Variants in IGF2 observed in about 807,000 individuals in gnomAD.
IGF2 encodes the protein insulin like growth factor 2, also known as insulin-like growth factor 2.
A neutral mutation model predicts 12.0 loss-of-function variants in IGF2; 2 were observed. That is an observed-to-expected ratio of 0.17 (90% CI 0.07 to 0.52). The LOEUF (loss-of-function observed/expected upper bound fraction) is 0.52. IGF2 is among the 20% of genes least tolerant of loss of function. IGF2 has a pLI of 0.95. For missense variants in IGF2, 211 were observed against 268.0 expected, an observed-to-expected ratio of 0.79 and a Z score of 1.48; for synonymous variants, 105 against 110.1, an observed-to-expected ratio of 0.95 and a Z score of 0.29.
Position 2,133,019 on chromosome 11 carries a change from C to A in IGF2, c.511G>T (p.Ala171Ser). Reference sequence around the variant, plus strand: ...CGATTGCTGGCCATCTCTGGGGGGGCGCCCCCGTGGGCGGGGTCTTGGGTG... The same window carrying A: ...CGATTGCTGGCCATCTCTGGGGGGGAGCCCCCGTGGGCGGGGTCTTGGGTG... ...LPTQDPAHGG[A>S]PPEMASNRK The change falls in exon 4 of 4, where the codon GCC becomes TCC. Residue 171 changes from alanine (A) to serine (S), a missense_variant. Physicochemically the swap from Ala to Ser is moderately conservative, Grantham distance 99. Around this residue, in one of 3 missense-constraint regions of IGF2, gnomAD observed 141 missense variants for 153.1 expected, o/e 0.92. Coordinates refer to ENST00000416167, the MANE Select transcript of IGF2 (RefSeq NM_000612.6). The surrounding 1 kb of genome is among the most constrained non-coding windows in gnomAD (Gnocchi z 8.9). The A allele has an allele frequency of 6.5e-7, 1 of 1,550,330 alleles. No homozygotes were observed. Among genetic ancestry groups the A allele is most frequent in the Non-Finnish European group, 8.7e-7 (1 of 1,148,456 alleles).
chr11:2,141,101 GGC>G, upstream of IGF2: 1 of 220,392 alleles, frequency 4.5e-6, no homozygotes, highest in Non-Finnish European at 9.2e-6. Context: ...ACGTCCTGAG[GGC>G]GCGCGGCCGA....
At position 2,131,097 on chromosome 11, in the gene IGF2, G is replaced by A. The variant is rs1385193835; in HGVS notation, c.*1890C>T. On this transcript the variant is annotated 3_prime_UTR_variant, in exon 4 of 4. Transcript: ENST00000416167. ...TGGGGAGCATCGTGGCTCACGCTGC[G>A]GGGGCCGTGGGGACAGGCGCCAAGG... 4 of 232,238 alleles carry A rather than the reference G, an allele frequency of 1.7e-5. No individual in the cohort carries two copies. Among genetic ancestry groups the A allele is most frequent in the Non-Finnish European group, 1.7e-5 (2 of 117,816 alleles). The allele number at this position is 232,238 out of a possible 1,614,324, so 14.4% of individuals were successfully genotyped here.
chr11:2,131,782 GC>G lies in IGF2; in HGVS notation c.*1204del, dbSNP rs1383134088. On this transcript the variant is annotated 3_prime_UTR_variant, in exon 4 of 4. Transcript: ENST00000416167. ...GTGTGTGCTGTGTCTTTGTGTGTGT[GC>G]TGTGTGCTAGTGTGTGTGCTGTGTG... 1 of 169,970 alleles carries G rather than the reference GC, an allele frequency of 5.9e-6. No individual in the cohort carries two copies. The highest frequency in any genetic ancestry group is 2.8e-5 in the African/African-American group (1 of 35,450). 10.5% of individuals were successfully genotyped at this position (169,970 alleles called of 1,614,324 possible). A position where few individuals can be genotyped will look rare whatever the true frequency, so the allele number is the denominator to read the frequency against.
chr11:2,140,215 C>G, upstream of IGF2: 3 of 1,613,360 alleles, frequency 1.9e-6, no homozygotes, highest in Non-Finnish European at 2.5e-6. Flanking sequence ...ATGGTTACCC[C>G]GTCCTCAGTG....
In IGF2 at chr11:2,130,885, A is replaced by G. The variant is rs1311667882; in HGVS notation, c.*2102T>C. 2 of 204,912 alleles carry G rather than the reference A, an allele frequency of 9.8e-6. No homozygotes were observed. Among genetic ancestry groups the G allele is most frequent in the Non-Finnish European group, 2.0e-5 (2 of 100,486 alleles). The allele number at this position is 204,912 out of a possible 1,614,324, so 12.7% of individuals were successfully genotyped here. ...GGGGGTCCCCAGGAGACGGGCAAAG[A>G]TGATCCCTAGGTGTGCTCCGGTGGG... is the stretch of plus-strand genomic sequence containing the variant. On this transcript the variant is annotated 3_prime_UTR_variant, in exon 4 of 4. Transcript: ENST00000416167.
In IGF2 at chr11:2,138,535, A is replaced by G. The variant is rs1859272120; in HGVS notation, c.-313T>C. The G allele has an allele frequency of 5.2e-6, 3 of 576,944 alleles. No homozygotes were observed. Among genetic ancestry groups the G allele is most frequent in the South Asian group, 1.7e-4 (2 of 11,912 alleles). 35.7% of individuals were successfully genotyped at this position (576,944 alleles called of 1,614,324 possible). A position where few individuals can be genotyped will look rare whatever the true frequency, so the allele number is the denominator to read the frequency against. On this transcript the variant is annotated 5_prime_UTR_variant, in exon 1 of 4. Transcript: ENST00000416167. ...ATCAAGGATAGAGGGGGGCAGAGATAGTGGGAGAGACAGAGTGAACGTGAA... is the reference window on the plus strand; with the variant it reads ...ATCAAGGATAGAGGGGGGCAGAGATGGTGGGAGAGACAGAGTGAACGTGAA...
rs916338622 is a variant in IGF2, at chr11:2,130,447, G to A, written c.*2540C>T. On this transcript the variant is annotated 3_prime_UTR_variant, in exon 4 of 4. Transcript: ENST00000416167. The stretch of plus-strand genomic sequence containing the variant: ...ATGAAAAACAAAATCCAATCAGGGC[G>A]ATAAATGGCGGGGGGCAGGACGTGG... 10 of 227,626 alleles carry A rather than the reference G, an allele frequency of 4.4e-5. No homozygotes were observed. Among genetic ancestry groups the A allele is most frequent in the African/African-American group, 1.3e-4 (6 of 44,756 alleles). The allele number at this position is 227,626 out of a possible 1,614,324, so 14.1% of individuals were successfully genotyped here. A position where few individuals can be genotyped will look rare whatever the true frequency, so the allele number is the denominator to read the frequency against.
chr11:2,142,754 G>C (rs1859677528), upstream of IGF2, among the ~76,000 whole-genome samples: 1 of 152,238 alleles, frequency 6.6e-6, no homozygotes, highest in African/African-American at 2.4e-5. This position sits in a 1 kb window ranked among gnomAD's most constrained non-coding sequence, Gnocchi z 5.7. Flanking sequence ...TGCTCGGAAT[G>C]TTTGGGAACT....
chr11:2,148,038 T>G, the IGF2 span: 1 of 385,922 alleles, frequency 2.6e-6, no homozygotes, highest in Non-Finnish European at 4.6e-6. The surrounding 1 kb of genome is among the most constrained non-coding windows in gnomAD (Gnocchi z 4.3). Flanking sequence ...TAGAAAGGGC[T>G]TCCCGGTGCT....
At position 2,138,655 on chromosome 11, in the gene IGF2, C is replaced by CGT; in HGVS notation, c.-435_-434dup. 1 of 970,110 alleles carries CGT rather than the reference C, an allele frequency of 1.0e-6. No individual in the cohort carries two copies. The highest frequency in any genetic ancestry group is 1.2e-6 in the Non-Finnish European group (1 of 827,114). 60.1% of individuals were successfully genotyped at this position (970,110 alleles called of 1,614,324 possible). ...GAACAGCACGGAGAGAAACAGAAAG[C>CGT]GTGTAATTAATCCACTTTGGTTCGG... On this transcript the variant is annotated 5_prime_UTR_variant, in exon 1 of 4. Transcript: ENST00000416167.
At position 2,133,251 on chromosome 11, in the gene IGF2, G is replaced by A. The variant is rs1858743699; in HGVS notation, c.307-28C>T. On this transcript the variant is annotated intron_variant, in intron 3 of 3. Transcript: ENST00000416167. The surrounding 1 kb of genome is among the most constrained non-coding windows in gnomAD (Gnocchi z 8.9). ...GGGAGGGGAAGGGGCTGGTCAGCAGGTGCCTGCTCTCCACGCTCTTCCGCC... is the reference window on the plus strand; with the variant it reads ...GGGAGGGGAAGGGGCTGGTCAGCAGATGCCTGCTCTCCACGCTCTTCCGCC... 14 of 1,439,948 alleles carry A rather than the reference G, an allele frequency of 9.7e-6. No homozygotes were observed. Among genetic ancestry groups the A allele is most frequent in the Non-Finnish European group, 1.3e-5 (14 of 1,062,370 alleles). The allele number at this position is 1,439,948 out of a possible 1,614,324, so 89.2% of individuals were successfully genotyped here.
At chr11:2,136,115 T>C (rs1859025708) in intron 1 of IGF2, among the ~76,000 whole-genome samples, 1 of 152,126 alleles carries the variant, frequency 6.6e-6, no homozygotes, top group Non-Finnish European at 1.5e-5. Flanking sequence ...CCCCTCCCCC[T>C]GGCTTTTCCA....
chr11:2,137,534 G>A (rs866489537), intron 1 of IGF2, among the ~76,000 whole-genome samples: 5 of 151,916 alleles, frequency 3.3e-5, no homozygotes, highest in African/African-American at 4.8e-5. Flanking sequence ...AGTGAAGGGG[G>A]GGGGGGTCTC....
At chr11:2,142,609 A>C (rs2133623783), upstream of IGF2, among the ~76,000 whole-genome samples, 1 of 152,222 alleles carries the variant, frequency 6.6e-6, no homozygotes, top group East Asian at 1.9e-4. This position sits in a 1 kb window ranked among gnomAD's most constrained non-coding sequence, Gnocchi z 5.7. Context: ...GGGGACCAGG[A>C]AAAGGGTCCA....
rs1319549020 is a variant in IGF2 at position 2,138,870 on chromosome 11, G to T, written c.-648C>A. 9.2e-6 allele frequency: 9 copies of T among 978,874 alleles called. No individual in the cohort carries two copies. The highest frequency in any genetic ancestry group is 7.3e-6 in the Non-Finnish European group (6 of 824,410). 60.6% of individuals were successfully genotyped at this position (978,874 alleles called of 1,614,324 possible). On this transcript the variant is annotated 5_prime_UTR_variant, in exon 1 of 4. Transcript: ENST00000416167. ...CGAGGGGCCGGGGGAGGCGGTGACT[G>T]GGGGGCGGAGTGGAGGCTGCACCCG...
chr11:2,134,321 G>A, intron 2 of IGF2: 1 of 357,532 alleles, frequency 2.8e-6, no homozygotes, highest in Non-Finnish European at 5.6e-6. Context: ...CCATCACGGG[G>A]GTCCCCCAAG....
rs1564892700 is a variant in IGF2, at chr11:2,132,025, C to CTGTGTGTGCTGTGCGTTTG, written c.*943_*961dup. 4 of 30,582 alleles carry CTGTGTGTGCTGTGCGTTTG rather than the reference C, an allele frequency of 1.3e-4. No homozygotes were observed. Among genetic ancestry groups the CTGTGTGTGCTGTGCGTTTG allele is most frequent in the South Asian group, 1.4e-3 (2 of 1,452 alleles). The allele number at this position is 30,582 out of a possible 1,614,324, so 1.9% of individuals were successfully genotyped here. On this transcript the variant is annotated 3_prime_UTR_variant, in exon 4 of 4. Transcript: ENST00000416167. ...TGTGTGCTGTGTGCTCATCTGTGTGCTGTGTGTGCTGTGCGTTTGTGTGTG... is the reference window on the plus strand; with the variant it reads ...TGTGTGCTGTGTGCTCATCTGTGTGCTGTGTGTGCTGTGCGTTTGTGTGTGTGCTGTGCGTTTGTGTGTG...
chr11:2,141,862 AT>A (rs1268665407), upstream of IGF2, among the ~76,000 whole-genome samples: 2 of 152,322 alleles, frequency 1.3e-5, no homozygotes, highest in East Asian at 3.9e-4. Context: ...AATCAGTATT[AT>A]TTTTCTATGC....
chr11:2,133,194 C>T lies in IGF2; in HGVS notation c.336G>A (p.Lys112=). ...PDNFPRYPVG[K]FFQYDTWKQS... The stretch of plus-strand genomic sequence containing the variant: ...GCTTCCAGGTGTCATATTGGAAGAA[C>T]TTGCCCACGGGGTATCTGGGGAAGT... The change falls in exon 4 of 4, where the codon AAG becomes AAA. Residue 112 remains lysine, a synonymous_variant. Coordinates refer to ENST00000416167, the MANE Select transcript of IGF2 (RefSeq NM_000612.6). This position sits in a 1 kb window ranked among gnomAD's most constrained non-coding sequence, Gnocchi z 8.9. 6.4e-7 allele frequency: 1 copy of T among 1,570,964 alleles called. No homozygotes were observed. The highest frequency in any genetic ancestry group is 8.6e-7 in the Non-Finnish European group (1 of 1,156,354).
Sources: allele counts gnomAD v4.1 joint callset (sites outside exome capture counted in the v4.1 genomes callset), GRCh38; gene constraint gnomAD v4.1.1; regional missense constraint gnomAD v4.1.1; non-coding constraint Gnocchi (gnomAD v3.1); transcripts MANE v1.5; gene names NCBI Gene and HGNC (gene_info 2026-07-23, HGNC 2026-07-21).